SLX4IP: variants seen among roughly 807,000 people sequenced by gnomAD.
SLX4IP encodes the protein SLX4 interacting protein.
SLX4IP carries 34 observed loss-of-function variants against 32.9 expected under a neutral mutation model. The ratio of observed to expected loss-of-function variants is 1.03; its 90% CI spans 0.79 to 1.38. SLX4IP has a LOEUF of 1.38. Among genes scored for constraint, SLX4IP ranks in the 40% most tolerant of loss-of-function variants. The probability of loss-of-function intolerance (pLI) is 0.00; values close to 1 mark genes in which losing one functional copy is unlikely to be tolerated. For missense variants in SLX4IP, 444 were observed against 479.0 expected (o/e 0.93, Z 0.68); for synonymous variants, 172 against 171.7 (o/e 1.00, Z -0.01).
At chr20:10,464,112 G>A (rs2065361028) in intron 2 of SLX4IP, among the ~76,000 whole-genome samples, 1 of 152,200 alleles carries the variant, frequency 6.6e-6, no homozygotes, top group South Asian at 2.1e-4. Flanking sequence ...AAGTTTCAGT[G>A]TGGTTGCCCA....
intron 2 of SLX4IP, among the ~76,000 whole-genome samples, chr20:10,551,869 C>G (rs935320285): frequency 6.6e-6 from 1 of 152,190 alleles, no homozygotes; most frequent in African/African-American, 2.4e-5. Flanking sequence ...CTCTGAGCTG[C>G]AGCAGGAGTG....
At chr20:10,449,403 T>G (rs1042576469) in intron 1 of SLX4IP, among the ~76,000 whole-genome samples, 1 of 152,234 alleles carries the variant, frequency 6.6e-6, no homozygotes, top group Admixed American at 6.5e-5. Flanking sequence ...TACTCTGTGT[T>G]GGGAACTTGG....
intron 2 of SLX4IP, among the ~76,000 whole-genome samples, chr20:10,516,827 GT>G (rs2065854778): frequency 6.6e-6 from 1 of 152,184 alleles, no homozygotes; most frequent in South Asian, 2.1e-4. Flanking sequence ...TGTCTGGGCT[GT>G]TATAGCTTTG....
intron 2 of SLX4IP, among the ~76,000 whole-genome samples, chr20:10,501,845 C>G (rs2065722430): frequency 6.6e-6 from 1 of 152,110 alleles, no homozygotes; most frequent in South Asian, 2.1e-4. Context: ...TAAAAAAAAT[C>G]TAGTATTTTG....
rs773779960 is a variant in SLX4IP, at chr20:10,556,252, G to A, written c.49G>A (p.Val17Met). The change falls in exon 3 of 8, where the codon GTG becomes ATG. Residue 17 changes from valine to methionine, a missense_variant. Physicochemically the swap from Val to Met is conservative, Grantham distance 21. Coordinates refer to ENST00000334534, the MANE Select transcript of SLX4IP (RefSeq NM_001009608.3). ...AVKCGNFAVL[V>M]DLHILPQGSN... ...TCAGTGTGGGAATTTTGCTGTCCTC[G>A]TGGATCTTCATATCTTGCCACAAGG... The A allele has an allele frequency of 9.3e-6, 15 of 1,613,462 alleles. No homozygotes were observed. The highest frequency in any genetic ancestry group is 4.0e-5 in the African/African-American group (3 of 74,870).
intron 2 of SLX4IP, among the ~76,000 whole-genome samples, chr20:10,505,732 G>C (rs1459220626): frequency 1.3e-5 from 2 of 151,900 alleles, no homozygotes; most frequent in Non-Finnish European, 2.9e-5. Flanking sequence ...TCTGTCCTCT[G>C]TCTCTCTCAT....
At chr20:10,602,300 C>CTCTCTCTG (rs570847139) in intron 6 of SLX4IP, among the ~76,000 whole-genome samples, 132 of 151,994 alleles carry the variant, frequency 8.7e-4, no homozygotes, top group African/African-American at 2.3e-3. Flanking sequence ...CTCTCTCTCT[C>CTCTCTCTG]TCTCTCTGTC....
intron 6 of SLX4IP, chr20:10,614,110 T>G: frequency 1.3e-6 from 2 of 1,522,942 alleles, no homozygotes; most frequent in South Asian, 2.4e-5. Flanking sequence ...AGGGACACCT[T>G]GTGGTAGCCT....
intron 7 of SLX4IP, among the ~76,000 whole-genome samples, chr20:10,621,885 A>G (rs1201641550): frequency 6.6e-6 from 1 of 152,210 alleles, no homozygotes; most frequent in Non-Finnish European, 1.5e-5. Context: ...ATTTCTTGCC[A>G]TTCACAAACC....
intron 4 of SLX4IP, among the ~76,000 whole-genome samples, chr20:10,584,646 A>G (rs1334755300): frequency 1.3e-5 from 2 of 152,172 alleles, no homozygotes; most frequent in African/African-American, 4.8e-5. Context: ...AGGAATCTGT[A>G]TGGTTGGAAA....
At chr20:10,590,318 G>T (rs977467029) in intron 4 of SLX4IP, among the ~76,000 whole-genome samples, 2 of 151,552 alleles carry the variant, frequency 1.3e-5, no homozygotes, top group South Asian at 4.2e-4. Context: ...AAACCCTTGA[G>T]TATCATTTTA....
intron 2 of SLX4IP, among the ~76,000 whole-genome samples, chr20:10,497,819 G>C (rs372119805): frequency 6.6e-6 from 1 of 151,878 alleles, no homozygotes; most frequent in East Asian, 1.9e-4. Context: ...GTAGGCTGCT[G>C]CTTCTTCCTT....
At chr20:10,460,324 A>G (rs1480032122) in intron 2 of SLX4IP, among the ~76,000 whole-genome samples, 1 of 152,376 alleles carries the variant, frequency 6.6e-6, no homozygotes, top group East Asian at 1.9e-4. Context: ...TAGTGGCTTG[A>G]AACACGAACC....
chr20:10,605,645 G>C (rs2066897709), intron 6 of SLX4IP, among the ~76,000 whole-genome samples: 1 of 152,136 alleles, frequency 6.6e-6, no homozygotes, highest in Non-Finnish European at 1.5e-5. Context: ...CCTACAAGTG[G>C]ACATATACAT....
intron 1 of SLX4IP, among the ~76,000 whole-genome samples, chr20:10,447,966 A>G (rs1035251994): frequency 6.6e-6 from 1 of 151,628 alleles, no homozygotes; most frequent in Non-Finnish European, 1.5e-5. Flanking sequence ...CAGCCTCCCA[A>G]AGTCCTGAGA....
chr20:10,447,924 C>T (rs1005961989), intron 1 of SLX4IP, among the ~76,000 whole-genome samples: 4 of 146,022 alleles, frequency 2.7e-5, no homozygotes, highest in East Asian at 2.0e-4. Flanking sequence ...AGGCTGGTCT[C>T]GAACTCCTGG....
At position 10,533,654 on chromosome 20, in the gene SLX4IP, C is replaced by T. The variant is rs60285419; in HGVS notation, c.28-22577C>T. Among the ~76,000 whole-genome samples, 367 of 129,722 alleles carry T rather than the reference C, an allele frequency of 2.8e-3. 1 individual carries two copies. The highest frequency in any genetic ancestry group is 0.011 in the African/African-American group (353 of 33,216). The allele number at this position is 129,722 out of a possible 152,430, so 85.1% of individuals were successfully genotyped here. A position where few individuals can be genotyped will look rare whatever the true frequency, so the allele number is the denominator to read the frequency against. ...TTTTTTTTTGAGGCAGGGTCTGGCT[C>T]TGTCACCCAGGCTGAAATGCAATGG... On this transcript the variant is annotated intron_variant, in intron 2 of 7. Transcript: ENST00000334534.
At chr20:10,497,148 G>A (rs2065674693) in intron 2 of SLX4IP, among the ~76,000 whole-genome samples, 1 of 152,058 alleles carries the variant, frequency 6.6e-6, no homozygotes, top group Non-Finnish European at 1.5e-5. Flanking sequence ...TTCTTTTAAT[G>A]AGGGACTGTG....
intron 4 of SLX4IP, among the ~76,000 whole-genome samples, chr20:10,563,262 T>G (rs2066352067): frequency 6.6e-6 from 1 of 152,238 alleles, no homozygotes; most frequent in Admixed American, 6.5e-5. Context: ...TTCGCTTATT[T>G]GCTATTGAGT....
Sources: gnomAD v4.1 joint callset for allele counts (sites outside exome capture counted in the v4.1 genomes callset) on GRCh38, gnomAD v4.1.1 for gene constraint, MANE v1.5 for transcripts, NCBI Gene and HGNC (gene_info 2026-07-23, HGNC 2026-07-21) for gene names.